The following AKAP12 variants were observed in gnomAD, a reference collection of about 807,000 sequenced individuals.
The protein encoded by AKAP12 is A-kinase anchor protein 12.
Under a neutral mutation model 79.9 loss-of-function variants are expected in AKAP12, and 32 were observed. The observed-to-expected ratio is 0.40, with a 90% confidence interval of 0.30 to 0.54. The LOEUF (loss-of-function observed/expected upper bound fraction) is 0.54, where lower values mean the gene tolerates loss of function less well. AKAP12 is among the 20% of genes least tolerant of loss of function. AKAP12 has a pLI of 0.48. For missense variants in AKAP12, 2,074 were observed against 2,177.0 expected (o/e 0.95, Z 0.94); for synonymous variants, 808 against 857.0 (o/e 0.94, Z 1.00).
In AKAP12 at chr6:151,350,735, G is replaced by A. The variant is rs761302372; in HGVS notation, c.2344G>A (p.Asp782Asn). The A allele has an allele frequency of 1.2e-6, 2 of 1,614,012 alleles. No homozygotes were observed. Among genetic ancestry groups the A allele is most frequent in the African/African-American group, 1.3e-5 (1 of 74,996 alleles). ...SKSKLEEKSE[D>N]SIAGSGVEHS... ...GTCCAAGCTGGAAGAGAAAAGCGAA[G>A]ACTCCATAGCTGGGTCTGGTGTAGA... The change falls in exon 4 of 5, where the codon GAC (aspartate) becomes AAC (asparagine). Residue 782 changes from aspartate to asparagine, a missense_variant. Asp to Asn is a conservative substitution (Grantham distance 23). This residue lies in a region of AKAP12 where 1,428 missense variants were observed against 1,451.0 expected (regional missense o/e 0.98). Coordinates refer to ENST00000402676, the MANE Select transcript of AKAP12 (RefSeq NM_005100.4). This position sits in a 1 kb window ranked among gnomAD's most constrained non-coding sequence, Gnocchi z 4.8.
intron 2 of AKAP12, among the ~76,000 whole-genome samples, chr6:151,277,161 G>C (rs1776304748): frequency 6.6e-6 from 1 of 152,194 alleles, no homozygotes; most frequent in African/African-American, 2.4e-5. Context: ...ACACACTGGG[G>C]CTCCAGATGT....
chr6:151,281,515 T>A (rs1342154485), intron 2 of AKAP12, among the ~76,000 whole-genome samples: 1 of 152,224 alleles, frequency 6.6e-6, no homozygotes, highest in Non-Finnish European at 1.5e-5. Flanking sequence ...GATCTCATGG[T>A]TGATACTTCA....
chr6:151,350,063 CAGG>C lies in AKAP12; in HGVS notation c.1678_1680del (p.Glu560del). On this transcript the variant is annotated inframe_deletion, in exon 4 of 5. Coordinates refer to ENST00000402676, the MANE Select transcript of AKAP12 (RefSeq NM_005100.4). The surrounding 1 kb of genome is among the most constrained non-coding windows in gnomAD (Gnocchi z 4.8). ...GGTTCCAGCCGATTCTCCGGACAGC[CAGG>C]AGGAGCAAAAGGGCGAGAGCTCTGC... 1 of 1,614,026 alleles carries C rather than the reference CAGG, an allele frequency of 6.2e-7. No individual in the cohort carries two copies. Among genetic ancestry groups the C allele is most frequent in the Non-Finnish European group, 8.5e-7 (1 of 1,180,008 alleles).
intron 3 of AKAP12, among the ~76,000 whole-genome samples, chr6:151,307,077 A>G (rs1334721331): frequency 6.6e-6 from 1 of 152,242 alleles, no homozygotes; most frequent in Non-Finnish European, 1.5e-5. Context: ...GTTCAGGTGG[A>G]GCAGTCACTT....
Position 151,350,208 on chromosome 6 carries a change from G to A in AKAP12, c.1817G>A (p.Gly606Asp). Residue 606 changes from glycine to aspartate, a missense_variant, in exon 4 of 5, where the codon GGT becomes GAT. Gly to Asp is a moderately conservative substitution (Grantham distance 94). Transcript: ENST00000402676. The surrounding 1 kb of genome is among the most constrained non-coding windows in gnomAD (Gnocchi z 4.8). Reference sequence around the variant, plus strand: ...TCCGATGGAGAGAAAAAAAGAGAAGGTGTCACTCCCTGGGCATCATTCAAA... The same window carrying A: ...TCCGATGGAGAGAAAAAAAGAGAAGATGTCACTCCCTGGGCATCATTCAAA... ...ATSDGEKKRE[G>D]VTPWASFKKM... The A allele has an allele frequency of 6.2e-7, 1 of 1,613,934 alleles. No individual in the cohort carries two copies. Among genetic ancestry groups the A allele is most frequent in the Non-Finnish European group, 8.5e-7 (1 of 1,179,962 alleles).
intron 3 of AKAP12, among the ~76,000 whole-genome samples, chr6:151,322,477 G>A (rs534123888): frequency 3.3e-5 from 5 of 152,042 alleles, no homozygotes; most frequent in South Asian, 2.1e-4. Flanking sequence ...CCCAACTCCC[G>A]GACCTCCCTA....
In AKAP12 at chr6:151,312,879, AG is replaced by A. The variant is rs890675624; in HGVS notation, c.319+6982del. On this transcript the variant is annotated intron_variant, in intron 3 of 4. Transcript: ENST00000402676. Reference sequence around the variant, plus strand: ...GTGGTCCATGGCAGGAGATGGGGTGAGGGGGGCTGTTTAGTTCAGTGCTGAA... The same window carrying A: ...GTGGTCCATGGCAGGAGATGGGGTGAGGGGGCTGTTTAGTTCAGTGCTGAA... Among the ~76,000 whole-genome samples the A allele has an allele frequency of 1.1e-4, 16 of 149,170 alleles. No individual in the cohort carries two copies. The South Asian group carries it at 1.5e-3, about 14-fold the overall frequency.
chr6:151,328,071 T>A (rs1582884497), intron 3 of AKAP12, among the ~76,000 whole-genome samples: 2 of 152,152 alleles, frequency 1.3e-5, no homozygotes, highest in African/African-American at 4.8e-5. Flanking sequence ...CTCACGCCTG[T>A]AATCCCAGGA....
At chr6:151,257,950 T>C (rs180865210) in intron 2 of AKAP12, among the ~76,000 whole-genome samples, 1 of 152,338 alleles carries the variant, frequency 6.6e-6, no homozygotes, top group East Asian at 1.9e-4. Context: ...TTCTGATAAT[T>C]TGCATTAGAT....
At chr6:151,297,671 A>C (rs1240518253) in intron 2 of AKAP12, among the ~76,000 whole-genome samples, 7 of 151,568 alleles carry the variant, frequency 4.6e-5, no homozygotes, top group African/African-American at 1.5e-4. Context: ...AGCCGTACCC[A>C]TGTCTTGAGG....
At chr6:151,253,853 T>G (rs1330599543) in intron 2 of AKAP12, among the ~76,000 whole-genome samples, 2 of 152,014 alleles carry the variant, frequency 1.3e-5, no homozygotes, top group Admixed American at 6.6e-5. Context: ...ATTACAGGTG[T>G]GAGCCACCAC....
At chr6:151,321,004 T>G (rs945503163) in intron 3 of AKAP12, among the ~76,000 whole-genome samples, 2 of 151,802 alleles carry the variant, frequency 1.3e-5, no homozygotes, top group Non-Finnish European at 2.9e-5. Flanking sequence ...TTTTTTTTTT[T>G]GAGAGGGAGT....
chr6:151,276,851 T>C (rs17081012), intron 2 of AKAP12, among the ~76,000 whole-genome samples: 11,770 of 152,294 alleles, frequency 0.077, 676 homozygotes, highest in East Asian at 0.18. Flanking sequence ...ATCTGTTTAG[T>C]AGTAAGAATA....
At chr6:151,335,422 T>G (rs988437781) in intron 3 of AKAP12, among the ~76,000 whole-genome samples, 1 of 152,218 alleles carries the variant, frequency 6.6e-6, no homozygotes, top group Non-Finnish European at 1.5e-5. Context: ...AAGTGACTTA[T>G]GTTATAGGTG....
At chr6:151,338,205 A>G (rs1777864697) in intron 3 of AKAP12, among the ~76,000 whole-genome samples, 1 of 152,140 alleles carries the variant, frequency 6.6e-6, no homozygotes, top group Non-Finnish European at 1.5e-5. Flanking sequence ...ACTTTTCTAT[A>G]ATCTGCTTCT....
chr6:151,264,679 A>G (rs7751888), intron 2 of AKAP12, among the ~76,000 whole-genome samples: 12,006 of 151,782 alleles, frequency 0.079, 850 homozygotes, highest in African/African-American at 0.18. Context: ...TCAAAAAAAA[A>G]AAAAAAGAAT....
rs1008421018 is a variant in AKAP12, at chr6:151,357,992, T to A, written c.*2278T>A. 6.6e-6 allele frequency: 1 copy of A among 152,270 alleles called. No homozygotes were observed. Among genetic ancestry groups the A allele is most frequent in the South Asian group, 2.1e-4 (1 of 4,824 alleles). The allele number at this position is 152,270 out of a possible 1,614,324, so 9.4% of individuals were successfully genotyped here. ...GCCATCACAGTTGCGATTCCATGAG[T>A]AGCTGCTTTATGACTGCTTTTTGTA... On this transcript the variant is annotated 3_prime_UTR_variant, in exon 5 of 5. Transcript: ENST00000402676.
intron 3 of AKAP12, among the ~76,000 whole-genome samples, chr6:151,320,461 C>G (rs182039015): frequency 6.6e-6 from 1 of 152,210 alleles, no homozygotes; most frequent in African/African-American, 2.4e-5. Context: ...ACCACTGTTT[C>G]CATGTTTTAA....
At chr6:151,325,936 G>T in intron 3 of AKAP12, 1 of 1,613,836 alleles carries the variant, frequency 6.2e-7, no homozygotes, top group Non-Finnish European at 8.5e-7. Flanking sequence ...CAGGCACGGG[G>T]CACGAAAAGG....
Sources: gnomAD v4.1 joint callset for allele counts (sites outside exome capture counted in the v4.1 genomes callset) on GRCh38, gnomAD v4.1.1 for gene constraint, gnomAD v4.1.1 regional missense constraint, Gnocchi (gnomAD v3.1) non-coding constraint, MANE v1.5 for transcripts, NCBI Gene and HGNC (gene_info 2026-07-23, HGNC 2026-07-21) for gene names.